The following CHRNB4 variants were observed in gnomAD, a reference collection of about 807,000 sequenced individuals.
CHRNB4 encodes the protein neuronal acetylcholine receptor subunit beta-4.
A neutral mutation model predicts 40.4 loss-of-function variants in CHRNB4; 23 were observed. That is an observed-to-expected ratio of 0.57 (90% CI 0.41 to 0.81). CHRNB4 has a LOEUF of 0.81. Ranked by LOEUF, CHRNB4 falls within the 30% of genes least tolerant of loss-of-function variation. CHRNB4 has a pLI of 0.00. For synonymous variants in CHRNB4, 285 were observed against 274.4 expected, an observed-to-expected ratio of 1.04 and a Z score of -0.38; for missense variants, 568 against 670.6, an observed-to-expected ratio of 0.85 and a Z score of 1.69.
chr15:78,628,840 T>C (rs373528961), intron 5 of CHRNB4, 127 bp downstream of exon 5: 18 of 1,205,014 alleles, frequency 1.5e-5, no homozygotes, highest in East Asian at 4.9e-5. Flanking sequence ...CATTTCAATT[T>C]TGGATTCCTT....
At chr15:78,633,676 T>C (rs950776) in intron 2 of CHRNB4, among the ~76,000 whole-genome samples, 38,938 of 152,068 alleles carry the variant, frequency 0.26, 5,785 homozygotes, top group Non-Finnish European at 0.35. Flanking sequence ...CATTTGGGTC[T>C]TTATGTCATT....
Position 78,629,777 on chromosome 15 carries a change from A to C in CHRNB4, c.528T>G (p.Tyr176Ter). ...NCTLKFRSWTYDHTEIDMVLM... is the reference protein window; with the variant it reads ...NCTLKFRSWT ...GGACCATGTCTATCTCCGTGTGGTC[A>C]TAGGTCCAGGAGCGGAACTTGAGGG... The change falls in exon 5 of 6, where the codon TAT becomes TAG. Residue 176 changes from tyrosine to a stop codon, truncating the protein, a stop_gained. Coordinates refer to ENST00000261751, the MANE Select transcript of CHRNB4 (RefSeq NM_000750.5). LOFTEE classifies it high-confidence loss of function. The surrounding 1 kb of genome is among the most constrained non-coding windows in gnomAD (Gnocchi z 6.8). 6.2e-7 allele frequency: 1 copy of C among 1,614,130 alleles called. No homozygotes were observed. The highest frequency in any genetic ancestry group is 8.5e-7 in the Non-Finnish European group (1 of 1,180,020).
intron 4 of CHRNB4, among the ~76,000 whole-genome samples, chr15:78,630,346 C>T (rs1324480983): frequency 1.3e-5 from 2 of 152,026 alleles, no homozygotes; most frequent in East Asian, 1.9e-4. Flanking sequence ...CCATGTTGAT[C>T]GGGCTGGTCT....
At chr15:78,641,441 C>T (rs1441811698), upstream of CHRNB4, among the ~76,000 whole-genome samples, 5 of 152,212 alleles carry the variant, frequency 3.3e-5, no homozygotes, top group East Asian at 9.6e-4. Context: ...CTTGGTACAG[C>T]TGGGGAGACT....
At chr15:78,636,286 A>C (rs1596112154) in intron 1 of CHRNB4, among the ~76,000 whole-genome samples, 2 of 148,364 alleles carry the variant, frequency 1.3e-5, no homozygotes, top group African/African-American at 2.5e-5. Flanking sequence ...CCACCTCCCC[A>C]CCCCTGCCCT....
Position 78,641,170 on chromosome 15 carries a change from G to A in CHRNB4, c.-37C>T. On this transcript the variant is annotated 5_prime_UTR_variant, in exon 1 of 6. Transcript: ENST00000261751. ...CCGGGTGGCAGCCGCCGCGAGCTCCGCTGTGGGGTCACAGGGCACCCGTGA... is the reference window on the plus strand; with the variant it reads ...CCGGGTGGCAGCCGCCGCGAGCTCCACTGTGGGGTCACAGGGCACCCGTGA... The A allele has an allele frequency of 1.3e-6, 2 of 1,529,962 alleles. No homozygotes were observed. Among genetic ancestry groups the A allele is most frequent in the Non-Finnish European group, 1.8e-6 (2 of 1,138,858 alleles). The allele number at this position is 1,529,962 out of a possible 1,614,324, so 94.8% of individuals were successfully genotyped here. A position where few individuals can be genotyped will look rare whatever the true frequency, so the allele number is the denominator to read the frequency against.
chr15:78,628,587 G>A (rs372432237), intron 5 of CHRNB4, among the ~76,000 whole-genome samples: 4 of 152,092 alleles, frequency 2.6e-5, no homozygotes, highest in Admixed American at 6.5e-5. Flanking sequence ...TTGTTCCCAC[G>A]GGTCTGCAAG....
Position 78,631,145 on chromosome 15 carries a change from T to A in CHRNB4, c.290A>T (p.Tyr97Phe), listed in dbSNP as rs1362693408. The A allele has an allele frequency of 8.1e-6, 13 of 1,614,250 alleles. No homozygotes were observed. The highest frequency in any genetic ancestry group is 1.1e-5 in the Non-Finnish European group (13 of 1,180,036). ...DYRLTWNSSR[Y>F]EGVNILRIPA... is the part of the protein sequence containing the mutation. ...GATCCTCAGGATGTTCACACCCTCGTAGCGGGAGCTGTTCCAGGTCAGGCG... is the reference window on the plus strand; with the variant it reads ...GATCCTCAGGATGTTCACACCCTCGAAGCGGGAGCTGTTCCAGGTCAGGCG... Residue 97 changes from tyrosine (Y) to phenylalanine (F), a missense_variant, in exon 4 of 6, where the codon TAC becomes TTC. Transcript: ENST00000261751.
intron 2 of CHRNB4, chr15:78,634,866 A>G (rs1296929423): frequency 4.6e-6 from 2 of 435,888 alleles, no homozygotes; most frequent in Admixed American, 2.4e-5. Context: ...CCTCTGCCCC[A>G]CATCCACATA....
In CHRNB4 at chr15:78,631,205, C is replaced by T. The variant is rs2053801609; in HGVS notation, c.250-20G>A. 2.5e-6 allele frequency: 4 copies of T among 1,613,462 alleles called. No individual in the cohort carries two copies. In the East Asian group the frequency reaches 8.9e-5, roughly 36 times the overall value. Reference sequence around the variant, plus strand: ...CCATTCCTGGACAGACAGGCAAGGCCCTGTCACTTGCAGGTCCACTGCCAC... The same window carrying T: ...CCATTCCTGGACAGACAGGCAAGGCTCTGTCACTTGCAGGTCCACTGCCAC... On this transcript the variant is annotated intron_variant, in intron 3 of 5. Transcript: ENST00000261751.
chr15:78,657,786 T>C (rs898724219), intron 2 of CHRNB4, among the ~76,000 whole-genome samples: 1 of 151,452 alleles, frequency 6.6e-6, no homozygotes, highest in Non-Finnish European at 1.5e-5. Flanking sequence ...TCTCCTGCCC[T>C]CATGATCTGC....
At chr15:78,661,530 C>A (rs1596128436), upstream of CHRNB4, 1 of 541,756 alleles carries the variant, frequency 1.8e-6, no homozygotes, top group East Asian at 4.7e-5. Flanking sequence ...GACCAACAGC[C>A]TCAGGTAGAT....
chr15:78,657,035 CTT>C (rs146412541), intron 3 of CHRNB4, among the ~76,000 whole-genome samples: 30 of 144,830 alleles, frequency 2.1e-4, no homozygotes, highest in African/African-American at 5.0e-4. Context: ...TTCTTTTCTT[CTT>C]TTTTTTTTTT....
At chr15:78,640,062 T>C (rs947138330) in intron 1 of CHRNB4, among the ~76,000 whole-genome samples, 9 of 152,194 alleles carry the variant, frequency 5.9e-5, no homozygotes, top group Non-Finnish European at 8.8e-5. Flanking sequence ...TCAATGTAAA[T>C]TTTTAGATTG....
At chr15:78,650,007 G>GT (rs35068589) in intron 6 of CHRNB4, among the ~76,000 whole-genome samples, 43,402 of 151,630 alleles carry the variant, frequency 0.29, 7,537 homozygotes, top group Non-Finnish European at 0.41. Flanking sequence ...TATCAATTTT[G>GT]TTTTTTTTAA....
intron 1 of CHRNB4, among the ~76,000 whole-genome samples, chr15:78,638,552 G>A (rs1438427350): frequency 1.3e-5 from 2 of 152,082 alleles, no homozygotes; most frequent in Non-Finnish European, 2.9e-5. Context: ...ACAGAGCCTG[G>A]AAATGGTGCT....
chr15:78,626,040 C>T (rs2053644588), intron 5 of CHRNB4: 1 of 152,358 alleles, frequency 6.6e-6, no homozygotes, highest in Non-Finnish European at 1.5e-5. Context: ...CTGGCTGGCT[C>T]ACACTGCATT....
chr15:78,657,678 C>T (rs1351779997), intron 2 of CHRNB4, among the ~76,000 whole-genome samples: 2 of 151,888 alleles, frequency 1.3e-5, no homozygotes, highest in Non-Finnish European at 2.9e-5. Flanking sequence ...CTCAGCCTCC[C>T]AAGTAGCTGG....
intron 1 of CHRNB4, among the ~76,000 whole-genome samples, chr15:78,637,163 T>G (rs1456522485): frequency 6.6e-6 from 1 of 152,186 alleles, no homozygotes; most frequent in Non-Finnish European, 1.5e-5. Flanking sequence ...TACCGCCTCA[T>G]GCAGGGAGCC....
Sources: allele counts gnomAD v4.1 joint callset (sites outside exome capture counted in the v4.1 genomes callset), GRCh38; gene constraint gnomAD v4.1.1; non-coding constraint Gnocchi (gnomAD v3.1); transcripts MANE v1.5; gene names NCBI Gene and HGNC (gene_info 2026-07-23, HGNC 2026-07-21).